SNX25: variants seen among roughly 807,000 people sequenced by gnomAD.
SNX25 encodes the protein sorting nexin 25, also known as sorting nexin-25.
In SNX25, 62 loss-of-function variants were observed where a neutral mutation model predicts 113.7. That is an observed-to-expected ratio of 0.55 (90% confidence interval 0.44 to 0.67). The LOEUF (loss-of-function observed/expected upper bound fraction) is 0.67. Ranked by LOEUF, SNX25 falls within the 30% of genes least tolerant of loss-of-function variation. The probability of loss-of-function intolerance (pLI) is 0.00; values close to 1 mark genes in which losing one functional copy is unlikely to be tolerated. For synonymous variants in SNX25, 421 were observed against 436.2 expected, an observed-to-expected ratio of 0.97 and a Z score of 0.43; for missense variants, 1,014 against 1,161.0, an observed-to-expected ratio of 0.87 and a Z score of 1.84.
chr4:185,343,064 T>C (rs1561035592), intron 12 of SNX25, among the ~76,000 whole-genome samples: 1 of 152,112 alleles, frequency 6.6e-6, no homozygotes, highest in Non-Finnish European at 1.5e-5. Flanking sequence ...CTAATTTTTG[T>C]ATTTTTAGCA....
chr4:185,284,197 T>C lies in SNX25; in HGVS notation c.1092-3815T>C, dbSNP rs116905317. On this transcript the variant is annotated intron_variant, in intron 5 of 18. Coordinates refer to ENST00000652585, the MANE Select transcript of SNX25 (RefSeq NM_001378034.2). ...CATATCTTTATTATACACAGAACTA[T>C]GGTTTTGTAGTTTTCAGTCTACATT... Among the ~76,000 whole-genome samples the C allele has an allele frequency of 2.8e-3, 434 of 152,338 alleles. 13 individuals carry two copies. In the South Asian group the frequency reaches 0.055, roughly 19 times the overall value.
chr4:185,296,525 T>G (rs1752862183), intron 6 of SNX25, among the ~76,000 whole-genome samples: 1 of 152,154 alleles, frequency 6.6e-6, no homozygotes, highest in South Asian at 2.1e-4. Context: ...TTTTGGAATT[T>G]TGGTCTTTTA....
At chr4:185,287,613 A>T (rs1751519347) in intron 5 of SNX25, among the ~76,000 whole-genome samples, 1 of 152,218 alleles carries the variant, frequency 6.6e-6, no homozygotes, top group East Asian at 1.9e-4. Context: ...ACGTTTATTA[A>T]TTTAATTGGA....
Position 185,353,481 on chromosome 4 carries a change from C to T in SNX25, c.2467-4C>T, listed in dbSNP as rs757229743. ...TGCTTCCTATGACTTTGCTGTATTC[C>T]CAGGAGGAGACAGAGGAGGACAGTG... On this transcript the variant is annotated splice_region_variant and splice_polypyrimidine_tract_variant and intron_variant, in intron 14 of 18. Transcript: ENST00000652585. 1.6e-5 allele frequency: 26 copies of T among 1,608,848 alleles called. No homozygotes were observed. The African/African-American group carries it at 3.5e-4, about 22-fold the overall frequency.
chr4:185,219,025 A>G (rs2126331013), intron 1 of SNX25, among the ~76,000 whole-genome samples: 1 of 152,202 alleles, frequency 6.6e-6, no homozygotes, highest in Admixed American at 6.5e-5. Flanking sequence ...GATAATCTCA[A>G]CTTACATTCT....
At chr4:185,206,710 A>G (rs945741306), upstream of SNX25, among the ~76,000 whole-genome samples, 2 of 150,228 alleles carry the variant, frequency 1.3e-5, no homozygotes, top group African/African-American at 2.4e-5. Flanking sequence ...ATCTTGGTTC[A>G]GAAAGACAGA....
At chr4:185,270,459 T>C (rs1173672279) in intron 5 of SNX25, among the ~76,000 whole-genome samples, 1 of 152,224 alleles carries the variant, frequency 6.6e-6, no homozygotes, top group Non-Finnish European at 1.5e-5. Flanking sequence ...AGCAGGCCCT[T>C]TGGTCTTGAG....
At chr4:185,215,676 G>A (rs149335780) in intron 1 of SNX25, among the ~76,000 whole-genome samples, 21 of 152,000 alleles carry the variant, frequency 1.4e-4, no homozygotes, top group African/African-American at 3.4e-4. Flanking sequence ...ATTCTTTTGC[G>A]TTTTAACTGG....
rs139206869 is a variant in SNX25 at position 185,259,033 on chromosome 4, C to T, written c.700C>T (p.His234Tyr). 1.6e-3 allele frequency: 2,659 copies of T among 1,614,000 alleles called. 2 individuals carry two copies. The highest frequency in any genetic ancestry group is 2.1e-3 in the Non-Finnish European group (2,522 of 1,179,994). Residue 234 changes from histidine (H) to tyrosine (Y), a missense_variant, in exon 3 of 19, where the codon CAT becomes TAT. Coordinates refer to ENST00000652585, the MANE Select transcript of SNX25 (RefSeq NM_001378034.2). ...CNDVVRTLLT[H>Y]FCDLKAANAR... ...TGATGTTGTGAGGACTTTACTCACT[C>T]ATTTCTGTGACCTGAAAGCTGCCAA...
chr4:185,321,321 G>C (rs1406849477), intron 8 of SNX25, among the ~76,000 whole-genome samples: 5 of 147,896 alleles, frequency 3.4e-5, no homozygotes, highest in Non-Finnish European at 1.5e-5. Flanking sequence ...GGAGTGCAGT[G>C]GGGCGATCTC....
chr4:185,255,257 T>A (rs1746250839), intron 2 of SNX25, among the ~76,000 whole-genome samples: 2 of 152,068 alleles, frequency 1.3e-5, no homozygotes, highest in South Asian at 4.2e-4. Context: ...TCTCAGCCTC[T>A]GGAGTACCTG....
At chr4:185,251,275 A>G (rs1385721834) in intron 2 of SNX25, among the ~76,000 whole-genome samples, 3 of 152,156 alleles carry the variant, frequency 2.0e-5, no homozygotes, top group South Asian at 2.1e-4. Context: ...GATTATAGGC[A>G]TGAGCCCCCG....
chr4:185,257,200 T>C (rs572409123), intron 2 of SNX25, among the ~76,000 whole-genome samples: 321 of 145,516 alleles, frequency 2.2e-3, no homozygotes, highest in Admixed American at 3.7e-3. Context: ...AAAAAACCTC[T>C]GAGAAACAAG....
intron 1 of SNX25, among the ~76,000 whole-genome samples, chr4:185,239,801 T>C (rs564231813): frequency 2.8e-4 from 42 of 148,098 alleles, no homozygotes; most frequent in African/African-American, 9.6e-4. Flanking sequence ...TTGATCATTC[T>C]TGGGTGTTTC....
chr4:185,257,074 G>A (rs565476595), intron 2 of SNX25, among the ~76,000 whole-genome samples: 2 of 151,720 alleles, frequency 1.3e-5, no homozygotes, highest in South Asian at 4.2e-4. Flanking sequence ...AGGATTCCCA[G>A]GGATAAAGTA....
intron 5 of SNX25, among the ~76,000 whole-genome samples, chr4:185,268,357 T>C (rs7672656): frequency 0.14 from 21,127 of 152,198 alleles, 1,554 homozygotes; most frequent in African/African-American, 0.18. Flanking sequence ...GTATCTTTTA[T>C]AGGGGAGCAC....
At chr4:185,221,016 G>A (rs1046002763) in intron 1 of SNX25, among the ~76,000 whole-genome samples, 8 of 151,414 alleles carry the variant, frequency 5.3e-5, no homozygotes, top group African/African-American at 1.9e-4. Context: ...ACAGGTGGGT[G>A]CCACCACACC....
intron 3 of SNX25, among the ~76,000 whole-genome samples, chr4:185,262,442 G>A (rs1279142487): frequency 6.6e-6 from 1 of 151,928 alleles, no homozygotes; most frequent in African/African-American, 2.4e-5. Context: ...ACAGTTTGAG[G>A]GAAAAAAAGA....
chr4:185,339,321 G>A, intron 10 of SNX25, 58 bp from the exon 11 acceptor site: 1 of 1,523,128 alleles, frequency 6.6e-7, no homozygotes, highest in Non-Finnish European at 9.1e-7. Flanking sequence ...CTGCTACTTT[G>A]CTGAATTGCA....
Sources: allele counts gnomAD v4.1 joint callset (sites outside exome capture counted in the v4.1 genomes callset), GRCh38; gene constraint gnomAD v4.1.1; transcripts MANE v1.5; gene names NCBI Gene and HGNC (gene_info 2026-07-23, HGNC 2026-07-21).